The following BAIAP2 variants were observed in gnomAD, a reference collection of about 807,000 sequenced individuals.
The protein encoded by BAIAP2 is BAR/IMD domain containing adaptor protein 2.
In BAIAP2, 18 loss-of-function variants were observed where a neutral mutation model predicts 63.0. The observed-to-expected ratio is 0.29, with a 90% CI of 0.20 to 0.42. The LOEUF (loss-of-function observed/expected upper bound fraction) is 0.42. Ranked by LOEUF, BAIAP2 falls within the 10% of genes least tolerant of loss-of-function variation. The pLI is 1.00. For synonymous variants in BAIAP2, 386 were observed against 307.6 expected (o/e 1.25, Z -2.67); for missense variants, 610 against 734.3 (o/e 0.83, Z 1.96).
At chr17:81,072,328 G>A (rs907465247) in intron 3 of BAIAP2, among the ~76,000 whole-genome samples, 2 of 152,216 alleles carry the variant, frequency 1.3e-5, no homozygotes, top group Non-Finnish European at 2.9e-5. Context: ...TGCGCAGCCC[G>A]GCCTGACCCA....
At chr17:81,052,652 T>C (rs1416435749) in intron 1 of BAIAP2, among the ~76,000 whole-genome samples, 1 of 151,980 alleles carries the variant, frequency 6.6e-6, no homozygotes, top group Non-Finnish European at 1.5e-5. Flanking sequence ...TGGTGGGGAG[T>C]GGCTTCCTTG....
intron 3 of BAIAP2, among the ~76,000 whole-genome samples, chr17:81,061,200 C>T (rs2050489508): frequency 6.6e-6 from 1 of 152,230 alleles, no homozygotes; most frequent in Non-Finnish European, 1.5e-5. Flanking sequence ...CTGTCCCTTG[C>T]CCCACCCAGT....
intron 3 of BAIAP2, among the ~76,000 whole-genome samples, chr17:81,059,418 G>A (rs2144384561): frequency 6.6e-6 from 1 of 152,256 alleles, no homozygotes; most frequent in South Asian, 2.1e-4. Flanking sequence ...GTTTGGAGAA[G>A]GGCAGAAGCA....
intron 2 of BAIAP2, among the ~76,000 whole-genome samples, chr17:81,055,613 C>A (rs558474386): frequency 1.1e-5 from 1 of 94,144 alleles, no homozygotes. Context: ...TTGCCCAGGC[C>A]AGACTGCAGT....
chr17:81,089,539 C>T (rs1283146571), intron 6 of BAIAP2, among the ~76,000 whole-genome samples: 1 of 151,796 alleles, frequency 6.6e-6, no homozygotes, highest in Non-Finnish European at 1.5e-5. Flanking sequence ...CGTGGTAAGC[C>T]AGGTGACCCA....
chr17:81,116,169 G>A lies in BAIAP2; in HGVS notation c.*330G>A. The A allele has an allele frequency of 1.2e-6, 2 of 1,604,914 alleles. No homozygotes were observed. Among genetic ancestry groups the A allele is most frequent in the Non-Finnish European group, 1.7e-6 (2 of 1,175,180 alleles). Reference sequence around the variant, plus strand: ...GGACATTTGGCCAGCTGGTGGCTGGGAGGGGAGCCTGGCTGCCCTGCTGCT... The same window carrying A: ...GGACATTTGGCCAGCTGGTGGCTGGAAGGGGAGCCTGGCTGCCCTGCTGCT... On this transcript the variant is annotated 3_prime_UTR_variant, in exon 14 of 14. Coordinates refer to ENST00000428708, the MANE Select transcript of BAIAP2 (RefSeq NM_001144888.2).
At chr17:81,110,188 C>T (rs1389808556) in intron 13 of BAIAP2, 16 of 985,608 alleles carry the variant, frequency 1.6e-5, no homozygotes, top group Non-Finnish European at 1.8e-5. Flanking sequence ...GCCTCCCACA[C>T]ACCTCCCCGT....
At chr17:81,048,796 A>C (rs1460334566) in intron 1 of BAIAP2, among the ~76,000 whole-genome samples, 4 of 150,420 alleles carry the variant, frequency 2.7e-5, no homozygotes, top group African/African-American at 7.4e-5. Flanking sequence ...ATTCCATGCG[A>C]CTCCAGGGCC....
chr17:81,098,416 T>C (rs1352248013), intron 6 of BAIAP2, among the ~76,000 whole-genome samples: 1 of 136,282 alleles, frequency 7.3e-6, no homozygotes, highest in Non-Finnish European at 1.6e-5. Flanking sequence ...CTACTTCTTT[T>C]AAAGTTTTTT....
chr17:81,116,383 C>T lies in BAIAP2; in HGVS notation c.*544C>T. 1 of 1,558,990 alleles carries T rather than the reference C, an allele frequency of 6.4e-7. No homozygotes were observed. Among genetic ancestry groups the T allele is most frequent in the South Asian group, 1.1e-5 (1 of 87,076 alleles). On this transcript the variant is annotated 3_prime_UTR_variant, in exon 14 of 14. Coordinates refer to ENST00000428708, the MANE Select transcript of BAIAP2 (RefSeq NM_001144888.2). Reference sequence around the variant, plus strand: ...TGGGGCCTGGTCCCTCCCCATGCCCCTCGGTGGGGCTCTCCTGGGCCCCTC... The same window carrying T: ...TGGGGCCTGGTCCCTCCCCATGCCCTTCGGTGGGGCTCTCCTGGGCCCCTC...
At position 81,104,033 on chromosome 17, in the gene BAIAP2, A is replaced by G. The variant is rs751497094; in HGVS notation, c.991A>G (p.Ser331Gly). 6.2e-7 allele frequency: 1 copy of G among 1,613,258 alleles called. No individual in the cohort carries two copies. The highest frequency in any genetic ancestry group is 8.5e-7 in the Non-Finnish European group (1 of 1,180,000). Residue 331 changes from serine (S) to glycine (G), a missense_variant, in exon 9 of 14, where the codon AGC becomes GGC. This residue lies in a region of BAIAP2 where 389 missense variants were observed against 455.6 expected (regional missense o/e 0.85). Coordinates refer to ENST00000428708, the MANE Select transcript of BAIAP2 (RefSeq NM_001144888.2). ...PKSLSPPQSQ[S>G]KLSDSYSNTL... ...ATCCCTGTCTCCTCCGCAGTCTCAG[A>G]GCAAGCTCAGCGACTCCTACTCCAA... is the stretch of plus-strand genomic sequence containing the variant.
At chr17:81,075,542 A>G (rs1453560733) in intron 3 of BAIAP2, among the ~76,000 whole-genome samples, 1 of 152,198 alleles carries the variant, frequency 6.6e-6, no homozygotes, top group African/African-American at 2.4e-5. Flanking sequence ...TCTGCTCACT[A>G]GACGCGGCTG....
intron 3 of BAIAP2, among the ~76,000 whole-genome samples, chr17:81,084,318 C>T (rs1359609444): frequency 2.0e-5 from 3 of 152,136 alleles, no homozygotes; most frequent in Non-Finnish European, 4.4e-5. Flanking sequence ...TGCTGTGGGT[C>T]TGCAGCCTGG....
intron 12 of BAIAP2, 84 bp downstream of exon 12, chr17:81,106,991 G>A (rs2059260435): frequency 7.0e-7 from 1 of 1,421,616 alleles, no homozygotes; most frequent in Admixed American, 2.9e-5. Context: ...AGCCTCCGCT[G>A]AGGGGCGGGG....
Position 81,057,940 on chromosome 17 carries a change from A to G in BAIAP2, c.190A>G (p.Ser64Gly). Reference protein sequence around the residue: ...DALVKMGELASESQGSKELGD... With the variant: ...DALVKMGELAGESQGSKELGD... ...CCTGGTGAAGATGGGGGAGCTGGCC[A>G]GCGAGAGCCAGGGCTCCAAAGAACT... The change falls in exon 3 of 14, where the codon AGC (serine) becomes GGC (glycine). Residue 64 changes from serine (S) to glycine (G), a missense_variant. Transcript: ENST00000428708. 1 of 1,478,442 alleles carries G rather than the reference A, an allele frequency of 6.8e-7. No individual in the cohort carries two copies. Among genetic ancestry groups the G allele is most frequent in the Non-Finnish European group, 9.1e-7 (1 of 1,093,564 alleles). The allele number at this position is 1,478,442 out of a possible 1,614,324, so 91.6% of individuals were successfully genotyped here. A position where few individuals can be genotyped will look rare whatever the true frequency, so the allele number is the denominator to read the frequency against.
chr17:81,052,131 G>A (rs531484820), intron 1 of BAIAP2, among the ~76,000 whole-genome samples: 71 of 152,174 alleles, frequency 4.7e-4, no homozygotes, highest in Middle Eastern at 3.4e-3. Context: ...CCACCCTCAC[G>A]CCGGGTCCTG....
chr17:81,081,720 C>G lies in BAIAP2; in HGVS notation c.218-3112C>G, dbSNP rs376725640. ...AGGCTGGTAAACCTTAGACTTGCCC[C>G]CACCCCACCCGTCTGTGTGGTTTGC... On this transcript the variant is annotated intron_variant, in intron 3 of 13. Transcript: ENST00000428708. Among the ~76,000 whole-genome samples, 381 of 152,284 alleles carry G rather than the reference C, an allele frequency of 2.5e-3. 5 individuals carry two copies. The South Asian group carries it at 0.038, about 15-fold the overall frequency.
rs187803142 is a variant in BAIAP2, at chr17:81,066,305, T to C, written c.217+8338T>C. Reference sequence around the variant, plus strand: ...CCGGGAGAGTGGCAGGAGCTCCCTGTTGGGCCAGCCTCAGAATGAGGATGT... The same window carrying C: ...CCGGGAGAGTGGCAGGAGCTCCCTGCTGGGCCAGCCTCAGAATGAGGATGT... On this transcript the variant is annotated intron_variant, in intron 3 of 13. Transcript: ENST00000428708. Among the ~76,000 whole-genome samples the C allele has an allele frequency of 2.2e-3, 332 of 152,326 alleles. 1 individual carries two copies. The highest frequency in any genetic ancestry group is 7.7e-3 in the African/African-American group (319 of 41,580).
chr17:81,077,045 A>ATTTTC (rs1253252603), intron 3 of BAIAP2, among the ~76,000 whole-genome samples: 5 of 152,102 alleles, frequency 3.3e-5, no homozygotes, highest in Non-Finnish European at 7.4e-5. Flanking sequence ...CCAGGGAGAA[A>ATTTTC]AGCCAAATGT....
Sources: gnomAD v4.1 joint callset for allele counts (sites outside exome capture counted in the v4.1 genomes callset) on GRCh38, gnomAD v4.1.1 for gene constraint, gnomAD v4.1.1 regional missense constraint, MANE v1.5 for transcripts, NCBI Gene and HGNC (gene_info 2026-07-23, HGNC 2026-07-21) for gene names.